The following FGL1 variants were observed in gnomAD, a reference collection of about 807,000 sequenced individuals.
FGL1 encodes the protein fibrinogen like 1.
FGL1 carries 59 observed loss-of-function variants against 43.7 expected under a neutral mutation model. That is an observed-to-expected ratio of 1.35 (90% CI 1.10 to 1.68). The LOEUF is 1.68. FGL1 is among the 40% of genes most tolerant of loss of function. The probability of loss-of-function intolerance (pLI) is 0.00; values close to 1 mark genes in which losing one functional copy is unlikely to be tolerated. For missense variants in FGL1, 596 were observed against 373.0 expected, an observed-to-expected ratio of 1.60 and a Z score of -4.92; for synonymous variants, 192 against 126.5, an observed-to-expected ratio of 1.52 and a Z score of -3.48.
intron 4 of FGL1, 36 bp from the exon 5 acceptor site, chr8:17,874,152 C>G (rs1284365414): frequency 1.3e-6 from 2 of 1,559,824 alleles, no homozygotes; most frequent in Admixed American, 1.7e-5. Flanking sequence ...TTAGAGCAAA[C>G]TCCATTTGTG....
At position 17,874,467 on chromosome 8, in the gene FGL1, T is replaced by A; in HGVS notation, c.299A>T (p.Lys100Ile). Reference protein sequence around the residue: ...GYKLSGFYKIKPLQSPAEFSV... With the variant: ...GYKLSGFYKIIPLQSPAEFSV... ...AAATTCTGCTGGGCTCTGGAGAGGT[T>A]TGATTTTGTAAAATCCACTGAGCTT... Residue 100 changes from lysine to isoleucine, a missense_variant, in exon 4 of 8, where the codon AAA becomes ATA. Physicochemically the swap from Lys to Ile is moderately radical, Grantham distance 102 (BLOSUM62 -3). Coordinates refer to ENST00000427924, the MANE Select transcript of FGL1 (RefSeq NM_004467.4). 3 of 1,614,116 alleles carry A rather than the reference T, an allele frequency of 1.9e-6. No homozygotes were observed. Among genetic ancestry groups the A allele is most frequent in the South Asian group, 1.1e-5 (1 of 91,082 alleles).
chr8:17,871,907 A>G (rs904428123), intron 5 of FGL1, among the ~76,000 whole-genome samples: 1 of 152,182 alleles, frequency 6.6e-6, no homozygotes, highest in African/African-American at 2.4e-5. Flanking sequence ...ATAACTTAAA[A>G]AATAATACGT....
intron 2 of FGL1, among the ~76,000 whole-genome samples, chr8:17,885,265 G>A (rs762824194): frequency 3.3e-5 from 5 of 151,972 alleles, no homozygotes; most frequent in South Asian, 2.1e-4. Context: ...GGCTGGTTGC[G>A]AACTCCTGAC....
chr8:17,881,720 G>C lies in FGL1; in HGVS notation c.244+279C>G, dbSNP rs34807569. On this transcript the variant is annotated intron_variant, in intron 3 of 7. Transcript: ENST00000427924. The stretch of plus-strand genomic sequence containing the variant: ...CTGGTGGTGGGCACCTGTAGTCCCA[G>C]CTACTCGGGAGACTGAGGCAGGAGA... 0.53 allele frequency among the ~76,000 whole-genome samples: 79,779 copies of C among 150,544 alleles called. 23,412 individuals are homozygous for C. The highest frequency in any genetic ancestry group is 0.68 in the Non-Finnish European group (45,799 of 67,682).
chr8:17,864,580 C>A lies in FGL1; in HGVS notation c.*12G>T, dbSNP rs1349822580. The stretch of plus-strand genomic sequence containing the variant: ...AAGCTGAATTGCAGAAACGAAAGCC[C>A]AACAGCAGCAATTAAATTACATTTG... On this transcript the variant is annotated 3_prime_UTR_variant, in exon 8 of 8. Coordinates refer to ENST00000427924, the MANE Select transcript of FGL1 (RefSeq NM_004467.4). 1 of 1,600,858 alleles carries A rather than the reference C, an allele frequency of 6.2e-7. No homozygotes were observed. Among genetic ancestry groups the A allele is most frequent in the Non-Finnish European group, 8.5e-7 (1 of 1,175,868 alleles).
Position 17,872,821 on chromosome 8 carries a change from T to G in FGL1, c.502+1198A>C, listed in dbSNP as rs545454834. Among the ~76,000 whole-genome samples the G allele has an allele frequency of 4.3e-4, 66 of 152,278 alleles. 2 individuals carry two copies. Among genetic ancestry groups the G allele is most frequent in the Admixed American group, 2.1e-3 (32 of 15,282 alleles). On this transcript the variant is annotated intron_variant, in intron 5 of 7. Coordinates refer to ENST00000427924, the MANE Select transcript of FGL1 (RefSeq NM_004467.4). ...ATGATATTTTAGACAAATATTAAAC[T>G]CTAAAGATAAGAATTTAAAAGTATA...
chr8:17,868,412 C>G (rs1666563582), intron 7 of FGL1, 136 bp downstream of exon 7: 1 of 636,984 alleles, frequency 1.6e-6, no homozygotes, highest in Admixed American at 4.1e-5. Flanking sequence ...CTGAAGAATT[C>G]TAATGAGAAT....
At chr8:17,878,982 T>G (rs1242409708) in intron 3 of FGL1, among the ~76,000 whole-genome samples, 1 of 150,844 alleles carries the variant, frequency 6.6e-6, no homozygotes, top group East Asian at 1.9e-4. Flanking sequence ...TAGTAGCCTC[T>G]CCAGTACTAT....
At chr8:17,875,543 T>TCTCTCTCTCTC (rs1563452419) in intron 3 of FGL1, among the ~76,000 whole-genome samples, 3 of 16,828 alleles carry the variant, frequency 1.8e-4, no homozygotes, top group African/African-American at 5.0e-4. Context: ...TTCTCTTTCT[T>TCTCTCTCTCTC]TCTTTCTTTC....
intron 7 of FGL1, among the ~76,000 whole-genome samples, chr8:17,866,742 A>G (rs2053275539): frequency 6.6e-6 from 1 of 152,242 alleles, no homozygotes; most frequent in African/African-American, 2.4e-5. Context: ...CAGCTGGATA[A>G]AGTACATGGT....
At chr8:17,877,999 G>A (rs1382187739) in intron 3 of FGL1, among the ~76,000 whole-genome samples, 2 of 152,098 alleles carry the variant, frequency 1.3e-5, no homozygotes, top group Non-Finnish European at 2.9e-5. Context: ...GTCTCACTCT[G>A]TTACCCAGGC....
rs538384208 is a variant in FGL1 at position 17,866,016 on chromosome 8, T to C, written c.780-1265A>G. On this transcript the variant is annotated intron_variant, in intron 7 of 7. Transcript: ENST00000427924. Reference sequence around the variant, plus strand: ...TGTGTTTTTAAAACAGCATGGAAAGTAATGTTAAAAAAAGAAAATACTGTA... The same window carrying C: ...TGTGTTTTTAAAACAGCATGGAAAGCAATGTTAAAAAAAGAAAATACTGTA... 2.6e-4 allele frequency among the ~76,000 whole-genome samples: 39 copies of C among 152,324 alleles called. 2 individuals are homozygous for C. The highest frequency in any genetic ancestry group is 2.0e-3 in the Admixed American group (31 of 15,296).
intron 1 of FGL1, 35 bp downstream of exon 1, chr8:17,895,412 G>T: frequency 3.9e-6 from 5 of 1,274,824 alleles, no homozygotes; most frequent in Non-Finnish European, 5.1e-6. Flanking sequence ...ATTATTACAA[G>T]CATGTCAAAA....
intron 1 of FGL1, 94 bp from the exon 2 acceptor site, chr8:17,885,665 A>G: frequency 1.0e-6 from 1 of 962,814 alleles, no homozygotes; most frequent in South Asian, 1.5e-5. Flanking sequence ...AGTCGGATGC[A>G]GCCGCAGGCC....
chr8:17,868,206 G>A (rs2053299594), intron 7 of FGL1: 1 of 162,748 alleles, frequency 6.1e-6, no homozygotes, highest in African/African-American at 2.4e-5. Context: ...TGAAGAACTA[G>A]TTGGTTATTA....
chr8:17,892,740 T>C (rs2053722830), intron 1 of FGL1, among the ~76,000 whole-genome samples: 1 of 152,188 alleles, frequency 6.6e-6, no homozygotes, highest in South Asian at 2.1e-4. Context: ...TTTAATCCGC[T>C]CCCAGATAAT....
rs1269189320 is a variant in FGL1 at position 17,882,791 on chromosome 8, A to G, written c.64-612T>C. 7.8e-5 allele frequency: 9 copies of G among 116,100 alleles called. 1 individual carries two copies. Among genetic ancestry groups the G allele is most frequent in the Non-Finnish European group, 9.8e-5 (6 of 61,534 alleles). The allele number at this position is 116,100 out of a possible 1,614,324, so 7.2% of individuals were successfully genotyped here. ...TATTAAACAATATATAATATATAGT[A>G]TATAATATATTAAACAATATATAAT... On this transcript the variant is annotated intron_variant, in intron 2 of 7. Transcript: ENST00000427924.
chr8:17,876,906 T>C (rs2053465029), intron 3 of FGL1, among the ~76,000 whole-genome samples: 1 of 152,012 alleles, frequency 6.6e-6, no homozygotes, highest in African/African-American at 2.4e-5. Flanking sequence ...ATTTTCCTTC[T>C]CCCCAGAAGA....
chr8:17,882,159 C>T lies in FGL1; in HGVS notation c.84G>A (p.Gln28=), dbSNP rs761255760. The T allele has an allele frequency of 6.2e-7, 1 of 1,613,856 alleles. No individual in the cohort carries two copies. The highest frequency in any genetic ancestry group is 8.5e-7 in the Non-Finnish European group (1 of 1,179,984). ...REISALEDCA[Q]EQMRLRAQVR... ...CCTGGGCTCTGAGCCGCATCTGCTCCTGGGCACAGTCCTCGAGCGCCTGCA... is the reference window on the plus strand; with the variant it reads ...CCTGGGCTCTGAGCCGCATCTGCTCTTGGGCACAGTCCTCGAGCGCCTGCA... The change falls in exon 3 of 8, where the codon CAG becomes CAA. Residue 28 remains glutamine, a synonymous_variant. Coordinates refer to ENST00000427924, the MANE Select transcript of FGL1 (RefSeq NM_004467.4).
Sources: allele counts gnomAD v4.1 joint callset (sites outside exome capture counted in the v4.1 genomes callset), GRCh38; gene constraint gnomAD v4.1.1; transcripts MANE v1.5; gene names NCBI Gene and HGNC (gene_info 2026-07-23, HGNC 2026-07-21).